SOCS5: variants seen among roughly 807,000 people sequenced by gnomAD.
The protein encoded by SOCS5 is CIS-6.
In SOCS5, 32 loss-of-function variants were observed where a neutral mutation model predicts 42.8. The ratio of observed to expected loss-of-function variants is 0.75; its 90% CI spans 0.56 to 1.01. SOCS5 has a LOEUF of 1.01. SOCS5 is among the 50% of genes least tolerant of loss of function. The pLI is 0.00. For synonymous variants in SOCS5, 283 were observed against 229.6 expected (o/e 1.23, Z -2.10); for missense variants, 627 against 653.0 (o/e 0.96, Z 0.43).
At chr2:46,706,464 A>G (rs565828702) in intron 1 of SOCS5, among the ~76,000 whole-genome samples, 1 of 152,280 alleles carries the variant, frequency 6.6e-6, no homozygotes, top group African/African-American at 2.4e-5. Flanking sequence ...ATGGTATCTA[A>G]ATACTTTGAG....
At chr2:46,742,630 A>G (rs1476217974) in intron 1 of SOCS5, among the ~76,000 whole-genome samples, 1 of 151,728 alleles carries the variant, frequency 6.6e-6, no homozygotes, top group African/African-American at 2.4e-5. Context: ...ACACCTTCCC[A>G]TCTTTTATTT....
Position 46,763,051 on chromosome 2 carries a change from C to T in SOCS5, c.*2910C>T, listed in dbSNP as rs1673905407. 1.2e-5 allele frequency: 2 copies of T among 166,984 alleles called. No homozygotes were observed. Among genetic ancestry groups the T allele is most frequent in the Non-Finnish European group, 2.9e-5 (2 of 68,104 alleles). 10.3% of individuals were successfully genotyped at this position (166,984 alleles called of 1,614,324 possible). ...ACCTAAAGAGTATTCTTGTACTATT[C>T]GAATTTTATTATCTGCACTAAAAGT... On this transcript the variant is annotated 3_prime_UTR_variant, in exon 2 of 2. Transcript: ENST00000394861.
intron 1 of SOCS5, among the ~76,000 whole-genome samples, chr2:46,725,991 G>A (rs971447862): frequency 4.6e-5 from 7 of 151,296 alleles, no homozygotes; most frequent in East Asian, 1.9e-4. Flanking sequence ...TAAGTAATGC[G>A]TCACTTTTTT....
At chr2:46,706,027 G>C (rs893855057) in intron 1 of SOCS5, among the ~76,000 whole-genome samples, 2 of 152,182 alleles carry the variant, frequency 1.3e-5, no homozygotes, top group African/African-American at 2.4e-5. Context: ...GGCATTTATT[G>C]TGGTTGTTGC....
chr2:46,751,434 T>A lies in SOCS5; in HGVS notation c.-12-7085T>A, dbSNP rs547177316. On this transcript the variant is annotated intron_variant, in intron 1 of 1. Transcript: ENST00000394861. Reference sequence around the variant, plus strand: ...ACACTTTATAAGAAATAAAAAGGAATGTAGACACAGACATGCAAGTGTTTT... The same window carrying A: ...ACACTTTATAAGAAATAAAAAGGAAAGTAGACACAGACATGCAAGTGTTTT... Among the ~76,000 whole-genome samples the A allele has an allele frequency of 2.9e-3, 438 of 152,158 alleles. 1 individual carries two copies. Among genetic ancestry groups the A allele is most frequent in the Non-Finnish European group, 4.6e-3 (310 of 68,000 alleles).
chr2:46,722,684 G>C (rs527481004), intron 1 of SOCS5, among the ~76,000 whole-genome samples: 1 of 152,186 alleles, frequency 6.6e-6, no homozygotes, highest in East Asian at 1.9e-4. Flanking sequence ...CATTTCTCTA[G>C]GATAAATACC....
intron 1 of SOCS5, among the ~76,000 whole-genome samples, chr2:46,732,608 C>G (rs1169119317): frequency 2.0e-5 from 3 of 152,194 alleles, no homozygotes; most frequent in Admixed American, 2.0e-4. Flanking sequence ...GTAGAGACCA[C>G]TGAAGAATTT....
chr2:46,719,652 C>G lies in SOCS5; in HGVS notation c.-13+20203C>G, dbSNP rs116132162. 3.6e-3 allele frequency among the ~76,000 whole-genome samples: 541 copies of G among 152,244 alleles called. 5 individuals carry two copies. Among genetic ancestry groups the G allele is most frequent in the African/African-American group, 0.012 (517 of 41,538 alleles). On this transcript the variant is annotated intron_variant, in intron 1 of 1. Coordinates refer to ENST00000394861, the MANE Select transcript of SOCS5 (RefSeq NM_144949.3). ...GCATCTTAAGCATATGGACCTGGTG[C>G]TCTTTAGGAACTCACTGTAGTGACT...
intron 1 of SOCS5, among the ~76,000 whole-genome samples, chr2:46,726,007 T>C (rs1672982252): frequency 6.6e-6 from 1 of 152,180 alleles, no homozygotes; most frequent in Admixed American, 6.5e-5. Flanking sequence ...TTTTTTTTTC[T>C]TGCTACTGTC....
intron 1 of SOCS5, among the ~76,000 whole-genome samples, chr2:46,739,265 G>A (rs1673317266): frequency 6.6e-6 from 1 of 152,166 alleles, no homozygotes; most frequent in South Asian, 2.1e-4. Flanking sequence ...GTCATAAGAT[G>A]TAATATCTTA....
chr2:46,726,242 G>A (rs771511464), intron 1 of SOCS5, among the ~76,000 whole-genome samples: 2 of 152,058 alleles, frequency 1.3e-5, no homozygotes, highest in South Asian at 2.1e-4. Context: ...GATTACAGGC[G>A]TGCACCACCA....
chr2:46,707,898 C>A (rs1042775595), intron 1 of SOCS5, among the ~76,000 whole-genome samples: 1 of 152,176 alleles, frequency 6.6e-6, no homozygotes. Context: ...CTTAAATGTG[C>A]TCAGAGCACT....
chr2:46,746,821 T>C (rs1673509684), intron 1 of SOCS5, among the ~76,000 whole-genome samples: 1 of 152,152 alleles, frequency 6.6e-6, no homozygotes, highest in African/African-American at 2.4e-5. Flanking sequence ...TAGTTTACTT[T>C]TCTTTCTTTT....
At chr2:46,721,832 G>A (rs1297209555) in intron 1 of SOCS5, among the ~76,000 whole-genome samples, 2 of 151,966 alleles carry the variant, frequency 1.3e-5, no homozygotes, top group African/African-American at 4.8e-5. Flanking sequence ...TTTACAGAGG[G>A]GTGCAACTGT....
At chr2:46,740,381 CT>C (rs1673343679) in intron 1 of SOCS5, among the ~76,000 whole-genome samples, 1 of 152,148 alleles carries the variant, frequency 6.6e-6, no homozygotes, top group Admixed American at 6.5e-5. Context: ...AGAAATACAG[CT>C]TTTGCTTTTA....
intron 1 of SOCS5, among the ~76,000 whole-genome samples, chr2:46,751,500 A>G (rs1572846940): frequency 2.0e-5 from 3 of 152,256 alleles, no homozygotes; most frequent in Non-Finnish European, 2.9e-5. Flanking sequence ...TTTTGCATAA[A>G]AGAAAACATG....
rs1003419013 is a variant in SOCS5, at chr2:46,758,371, G to A, written c.-12-148G>A. The A allele has an allele frequency of 2.4e-5, 15 of 619,466 alleles. No individual in the cohort carries two copies. The Admixed American group carries it at 4.7e-4, about 19-fold the overall frequency. The allele number at this position is 619,466 out of a possible 1,614,324, so 38.4% of individuals were successfully genotyped here. On this transcript the variant is annotated intron_variant, in intron 1 of 1. Coordinates refer to ENST00000394861, the MANE Select transcript of SOCS5 (RefSeq NM_144949.3). ...TTCCTGCTGCCCAACAGAACACACGGCCTCATCACTTCAGCAGGGCAGCGT... is the reference window on the plus strand; with the variant it reads ...TTCCTGCTGCCCAACAGAACACACGACCTCATCACTTCAGCAGGGCAGCGT...
Position 46,760,112 on chromosome 2 carries a change from T to C in SOCS5, c.1582T>C (p.Leu528=). ...TAAACAAAAAGTTAGAGTTCGCTGG[T>C]TGGAACGAGAACCAGTCAAGGCAAA... is the stretch of plus-strand genomic sequence containing the variant. ...HYKQKVRVRW[L]EREPVKAK The change falls in exon 2 of 2, where the codon TTG becomes CTG. Residue 528 remains leucine (L), a synonymous_variant. Transcript: ENST00000394861. 1 of 1,613,628 alleles carries C rather than the reference T, an allele frequency of 6.2e-7. No homozygotes were observed. Among genetic ancestry groups the C allele is most frequent in the Non-Finnish European group, 8.5e-7 (1 of 1,179,774 alleles).
At chr2:46,718,845 A>G (rs946263682) in intron 1 of SOCS5, among the ~76,000 whole-genome samples, 1 of 152,228 alleles carries the variant, frequency 6.6e-6, no homozygotes, top group Non-Finnish European at 1.5e-5. Flanking sequence ...TCTTGCTGGT[A>G]GGAACATACA....
Sources: allele counts gnomAD v4.1 joint callset (sites outside exome capture counted in the v4.1 genomes callset), GRCh38; gene constraint gnomAD v4.1.1; transcripts MANE v1.5; gene names NCBI Gene and HGNC (gene_info 2026-07-23, HGNC 2026-07-21).